PSMA1: variants seen among roughly 807,000 people sequenced by gnomAD.
PSMA1 encodes the protein proteasome 20S subunit alpha 1.
In PSMA1, 3 loss-of-function variants were observed where a neutral mutation model predicts 38.4. The observed-to-expected ratio is 0.08, with a 90% CI of 0.04 to 0.20. The LOEUF is 0.20. Among genes scored for constraint, PSMA1 ranks in the 10% least tolerant of loss-of-function variants. The probability of loss-of-function intolerance (pLI) is 1.00; values close to 1 mark genes in which losing one functional copy is unlikely to be tolerated. For synonymous variants in PSMA1, 101 were observed against 107.1 expected (o/e 0.94, Z 0.35); for missense variants, 227 against 325.3 (o/e 0.70, Z 2.32).
At chr11:14,591,658 C>A (rs1852416854) in intron 2 of PSMA1, among the ~76,000 whole-genome samples, 1 of 152,118 alleles carries the variant, frequency 6.6e-6, no homozygotes. Flanking sequence ...TGCTCTGGGG[C>A]CTCGGAGAAC....
intron 2 of PSMA1, among the ~76,000 whole-genome samples, chr11:14,550,532 T>A (rs1175854727): frequency 2.0e-5 from 3 of 152,086 alleles, no homozygotes; most frequent in African/African-American, 7.2e-5. Context: ...CATAATCAAT[T>A]GACAAAGTTT....
chr11:14,514,513 T>G, intron 4 of PSMA1, 22 bp from the exon 5 acceptor site: 1 of 1,494,424 alleles, frequency 6.7e-7, no homozygotes, highest in Non-Finnish European at 9.0e-7. Flanking sequence ...ACAAAAAAAG[T>G]TTAGTAATTT....
intron 1 of PSMA1, among the ~76,000 whole-genome samples, chr11:14,636,482 A>G (rs1853114777): frequency 6.6e-6 from 1 of 152,128 alleles, no homozygotes; most frequent in South Asian, 2.1e-4. Context: ...CCTGAGTTCA[A>G]AAACAAATCC....
intron 2 of PSMA1, among the ~76,000 whole-genome samples, chr11:14,598,990 C>A (rs1379980170): frequency 6.6e-6 from 1 of 152,064 alleles, no homozygotes. Context: ...TTCTCCTTCA[C>A]TTATGAAGCT....
At chr11:14,516,762 C>T (rs1038014056) in intron 4 of PSMA1, among the ~76,000 whole-genome samples, 12 of 152,098 alleles carry the variant, frequency 7.9e-5, no homozygotes, top group Non-Finnish European at 1.3e-4. Flanking sequence ...CCCGTCTCTA[C>T]TAAAAATACA....
intron 2 of PSMA1, among the ~76,000 whole-genome samples, chr11:14,535,846 T>G (rs1405694080): frequency 2.6e-5 from 4 of 152,194 alleles, no homozygotes; most frequent in Admixed American, 6.5e-5. Context: ...ATTAGTGTTG[T>G]TTTTCTGTTC....
At chr11:14,616,828 C>G (rs1333180709) in intron 1 of PSMA1, among the ~76,000 whole-genome samples, 1 of 152,044 alleles carries the variant, frequency 6.6e-6, no homozygotes, top group Non-Finnish European at 1.5e-5. Context: ...AGTAGCAAAC[C>G]CAGGGTATGA....
intron 2 of PSMA1, among the ~76,000 whole-genome samples, chr11:14,553,946 TGA>T (rs553306209): frequency 3.6e-4 from 55 of 152,314 alleles, no homozygotes; most frequent in Admixed American, 1.8e-3. Flanking sequence ...CAGCGATATA[TGA>T]GAGAGTCAGT....
chr11:14,641,612 A>C (rs185858678), intron 1 of PSMA1, among the ~76,000 whole-genome samples: 2 of 152,354 alleles, frequency 1.3e-5, no homozygotes, highest in Admixed American at 1.3e-4. Flanking sequence ...TTGTAGCCTT[A>C]TAAAAACCTG....
upstream of PSMA1, among the ~76,000 whole-genome samples, chr11:14,521,776 A>AC (rs1393669325): frequency 4.6e-4 from 69 of 151,388 alleles, no homozygotes; most frequent in African/African-American, 1.6e-3. Flanking sequence ...AAAAAAAAAA[A>AC]AACAAAAAAC....
intron 1 of PSMA1, among the ~76,000 whole-genome samples, chr11:14,638,533 CTCTCTCTCTCTCTATATATATATATATA>C (rs1156472849): frequency 0.015 from 426 of 28,876 alleles, 2 homozygotes; most frequent in Non-Finnish European, 0.021. Flanking sequence ...CTCTCTCTCT[CTCTCTCTCTCTCTATATATATATATATA>C]TATATATATA....
At chr11:14,593,710 G>C (rs1262578960) in intron 2 of PSMA1, among the ~76,000 whole-genome samples, 1 of 148,762 alleles carries the variant, frequency 6.7e-6, no homozygotes, top group Admixed American at 6.7e-5. Context: ...ACAAAGATCG[G>C]CTTTCTTTCA....
intron 1 of PSMA1, among the ~76,000 whole-genome samples, chr11:14,631,672 T>C (rs1853013279): frequency 6.6e-6 from 1 of 152,224 alleles, no homozygotes; most frequent in African/African-American, 2.4e-5. Flanking sequence ...TCTGTAGATG[T>C]CTATTAGGTC....
chr11:14,558,162 C>T (rs890421963), intron 2 of PSMA1, among the ~76,000 whole-genome samples: 1 of 147,242 alleles, frequency 6.8e-6, no homozygotes, highest in African/African-American at 2.5e-5. Context: ...GCTGTAATCC[C>T]AGCACTCAGG....
At chr11:14,511,742 G>C (rs1401724535) in intron 7 of PSMA1, among the ~76,000 whole-genome samples, 2 of 151,842 alleles carry the variant, frequency 1.3e-5, no homozygotes, top group Admixed American at 6.6e-5. Context: ...TTAAGTTTAG[G>C]AACAAAAAAA....
At chr11:14,642,343 T>TTTC (rs896185706) in intron 1 of PSMA1, among the ~76,000 whole-genome samples, 22 of 146,128 alleles carry the variant, frequency 1.5e-4, no homozygotes, top group African/African-American at 6.0e-4. Flanking sequence ...TGAGCATTTT[T>TTTC]TTTCTTGTCA....
intron 2 of PSMA1, among the ~76,000 whole-genome samples, chr11:14,593,638 GA>G (rs1852449012): frequency 6.6e-6 from 1 of 151,280 alleles, no homozygotes; most frequent in African/African-American, 2.4e-5. Flanking sequence ...GAGAGAGAGA[GA>G]GAGAGAGAGA....
chr11:14,550,747 G>A (rs2134168522), intron 2 of PSMA1, among the ~76,000 whole-genome samples: 1 of 151,834 alleles, frequency 6.6e-6, no homozygotes, highest in Middle Eastern at 3.4e-3. Flanking sequence ...TTTTTTTACG[G>A]GAAAATAACC....
chr11:14,639,639 T>A (rs952334212), intron 1 of PSMA1, among the ~76,000 whole-genome samples: 1 of 152,150 alleles, frequency 6.6e-6, no homozygotes, highest in Middle Eastern at 3.2e-3. Context: ...AAACTCCAGT[T>A]CCATTAGTAG....
Sources: gnomAD v4.1 joint callset for allele counts (sites outside exome capture counted in the v4.1 genomes callset) on GRCh38, gnomAD v4.1.1 for gene constraint, MANE v1.5 for transcripts, NCBI Gene and HGNC (gene_info 2026-07-23, HGNC 2026-07-21) for gene names.